RAPGEF6: variants seen among roughly 807,000 people sequenced by gnomAD.
RAPGEF6 encodes Rap guanine nucleotide exchange factor 6.
Under a neutral mutation model 171.4 loss-of-function variants are expected in RAPGEF6, and 56 were observed. The ratio of observed to expected loss-of-function variants is 0.33; its 90% confidence interval spans 0.26 to 0.41. The LOEUF is 0.41. RAPGEF6 is among the 10% of genes least tolerant of loss of function. The pLI, the probability that RAPGEF6 is intolerant of heterozygous loss-of-function variation, is 1.00. For synonymous variants in RAPGEF6, 692 were observed against 650.1 expected, an observed-to-expected ratio of 1.06 and a Z score of -0.98; for missense variants, 1,674 against 1,921.4, an observed-to-expected ratio of 0.87 and a Z score of 2.41.
intron 4 of RAPGEF6, among the ~76,000 whole-genome samples, chr5:131,565,537 G>A (rs1290648272): frequency 1.3e-5 from 2 of 152,060 alleles, no homozygotes; most frequent in Non-Finnish European, 2.9e-5. Context: ...GCCTAAAATA[G>A]CTAAAACAAC....
chr5:131,593,238 T>C (rs577874226), intron 3 of RAPGEF6, among the ~76,000 whole-genome samples: 2 of 152,246 alleles, frequency 1.3e-5, no homozygotes, highest in South Asian at 2.1e-4. Flanking sequence ...CAAATCAATA[T>C]AGGAATCTTC....
intron 6 of RAPGEF6, among the ~76,000 whole-genome samples, chr5:131,529,900 T>TC (rs1759253681): frequency 1.4e-5 from 2 of 140,212 alleles, no homozygotes; most frequent in Admixed American, 1.4e-4. Flanking sequence ...CTTGTCTCCC[T>TC]CTTTTTTTTT....
At position 131,521,388 on chromosome 5, in the gene RAPGEF6, A is replaced by G. The variant is rs1232213526; in HGVS notation, c.627+2T>C. 2 of 1,603,532 alleles carry G rather than the reference A, an allele frequency of 1.2e-6. No individual in the cohort carries two copies. Among genetic ancestry groups the G allele is most frequent in the Non-Finnish European group, 1.7e-6 (2 of 1,175,814 alleles). ...GCAGCATACAAATTCCTAAGGTATT[A>G]CCTGATAGATATCAGATAAACTGCT... On this transcript the variant is annotated splice_donor_variant, in intron 7 of 27. Coordinates refer to ENST00000509018, the MANE Select transcript of RAPGEF6 (RefSeq NM_016340.6). LOFTEE classifies it high-confidence loss of function.
intron 4 of RAPGEF6, among the ~76,000 whole-genome samples, chr5:131,576,605 G>A (rs1291005659): frequency 1.3e-5 from 2 of 152,238 alleles, no homozygotes; most frequent in East Asian, 1.9e-4. Context: ...TTGAGGCAAC[G>A]CTTATGCTGA....
At chr5:131,478,443 C>T (rs1212737110) in intron 16 of RAPGEF6, among the ~76,000 whole-genome samples, 1 of 152,134 alleles carries the variant, frequency 6.6e-6, no homozygotes, top group African/African-American at 2.4e-5. Context: ...TTATGGCTCC[C>T]TGTCATGACA....
At chr5:131,605,119 A>G (rs576137559) in intron 1 of RAPGEF6, among the ~76,000 whole-genome samples, 1 of 152,334 alleles carries the variant, frequency 6.6e-6, no homozygotes, top group South Asian at 2.1e-4. Context: ...TTCTTTCTAA[A>G]GAGACTCAAA....
chr5:131,497,829 C>T (rs747455424), intron 12 of RAPGEF6, among the ~76,000 whole-genome samples: 19 of 152,102 alleles, frequency 1.2e-4, no homozygotes, highest in Non-Finnish European at 1.8e-4. Context: ...TATTTCTTAC[C>T]AATTTGTGGA....
chr5:131,546,358 C>A (rs929548369), intron 6 of RAPGEF6, among the ~76,000 whole-genome samples: 3 of 152,128 alleles, frequency 2.0e-5, no homozygotes, highest in Non-Finnish European at 4.4e-5. Context: ...GTAATCCCAG[C>A]ACTTTGGGAT....
At chr5:131,611,487 T>TA (rs1764931609) in intron 1 of RAPGEF6, among the ~76,000 whole-genome samples, 1 of 152,072 alleles carries the variant, frequency 6.6e-6, no homozygotes, top group Admixed American at 6.6e-5. Flanking sequence ...GCCTGGCTAA[T>TA]ATGGTGAAAC....
intron 5 of RAPGEF6, among the ~76,000 whole-genome samples, chr5:131,550,021 T>C (rs750733164): frequency 1.3e-5 from 2 of 152,094 alleles, no homozygotes; most frequent in Non-Finnish European, 2.9e-5. Flanking sequence ...GACTACTGTA[T>C]CATATCAACA....
chr5:131,464,278 A>T lies in RAPGEF6; in HGVS notation c.2243T>A (p.Ile748Asn). 6.2e-7 allele frequency: 1 copy of T among 1,608,364 alleles called. No individual in the cohort carries two copies. The highest frequency in any genetic ancestry group is 2.2e-5 in the East Asian group (1 of 44,804). Residue 748 changes from isoleucine to asparagine, a missense_variant, in exon 18 of 28, where the codon ATC becomes AAC. Ile to Asn is a moderately radical substitution (Grantham distance 149, BLOSUM62 -3). Transcript: ENST00000509018. ...SMLDFSNPSD[I>N]PDQVIRVFKV... ...GAAAACTCTTATAACTTGATCAGGG[A>T]TATCTACATAAATAGAAAGATATGC...
At chr5:131,497,303 C>G (rs74532976) in intron 12 of RAPGEF6, among the ~76,000 whole-genome samples, 9,920 of 152,138 alleles carry the variant, frequency 0.065, 761 homozygotes, top group African/African-American at 0.19. Flanking sequence ...TTCTCTTATT[C>G]TGTGCATTGT....
At chr5:131,553,527 T>C (rs1453638171) in intron 5 of RAPGEF6, among the ~76,000 whole-genome samples, 1 of 152,094 alleles carries the variant, frequency 6.6e-6, no homozygotes, top group East Asian at 1.9e-4. Flanking sequence ...CAATCAACTA[T>C]GATTAAACAT....
chr5:131,505,420 T>C lies in RAPGEF6; in HGVS notation c.1045A>G (p.Thr349Ala), dbSNP rs771553832. ...CCATGCATGTACTGCTTATCCAGAG[T>C]GGGAGTAATTCCAAAACTATTTCCC... ...FMGNSFGITP[T>A]LDKQYMHGIV... is the part of the protein sequence containing the mutation. The change falls in exon 10 of 28, where the codon ACT becomes GCT. Residue 349 changes from threonine to alanine, a missense_variant. Around this residue, in one of 3 missense-constraint regions of RAPGEF6, gnomAD observed 1,116 missense variants for 1,321.5 expected, o/e 0.84. Coordinates refer to ENST00000509018, the MANE Select transcript of RAPGEF6 (RefSeq NM_016340.6). The C allele has an allele frequency of 2.0e-5, 33 of 1,613,548 alleles. No individual in the cohort carries two copies. The highest frequency in any genetic ancestry group is 2.7e-5 in the Non-Finnish European group (32 of 1,179,670).
chr5:131,492,732 C>G lies in RAPGEF6; in HGVS notation c.1581G>C (p.Lys527Asn). The G allele has an allele frequency of 6.2e-7, 1 of 1,614,124 alleles. No individual in the cohort carries two copies. Among genetic ancestry groups the G allele is most frequent in the East Asian group, 2.2e-5 (1 of 44,888 alleles). The part of the protein sequence containing the change: ...LLNIACAAKA[K>N]WRQVVLQKAS... ...CCTTTTGCAGCACAACCTGTCTCCA[C>G]TTAGCCTTTGCAGCACAGGCAATAT... Residue 527 changes from lysine to asparagine, a missense_variant, in exon 14 of 28, where the codon AAG becomes AAC. By Grantham distance (94) the Lys-to-Asn change is moderately conservative (BLOSUM62 0). Coordinates refer to ENST00000509018, the MANE Select transcript of RAPGEF6 (RefSeq NM_016340.6).
intron 17 of RAPGEF6, among the ~76,000 whole-genome samples, chr5:131,469,232 T>C (rs901120512): frequency 6.6e-6 from 1 of 152,164 alleles, no homozygotes; most frequent in African/African-American, 2.4e-5. Flanking sequence ...TTATGTGCAA[T>C]GAAATTTCTG....
chr5:131,529,895 C>T (rs1015290458), intron 6 of RAPGEF6, among the ~76,000 whole-genome samples: 1 of 149,046 alleles, frequency 6.7e-6, no homozygotes, highest in Middle Eastern at 3.2e-3. Context: ...AGGGCCTTGT[C>T]TCCCTCTTTT....
chr5:131,573,034 CT>C, intron 4 of RAPGEF6, among the ~76,000 whole-genome samples: 1 of 152,126 alleles, frequency 6.6e-6, no homozygotes, highest in East Asian at 1.9e-4. Context: ...TCATCCCAGA[CT>C]TTCCTTCTTT....
intron 12 of RAPGEF6, among the ~76,000 whole-genome samples, chr5:131,497,436 C>T (rs146157505): frequency 1.4e-4 from 21 of 152,264 alleles, no homozygotes; most frequent in Middle Eastern, 3.4e-3. Context: ...GAGAAACCAA[C>T]GCCAAATCCA....
Sources: allele counts gnomAD v4.1 joint callset (sites outside exome capture counted in the v4.1 genomes callset), GRCh38; gene constraint gnomAD v4.1.1; regional missense constraint gnomAD v4.1.1; transcripts MANE v1.5; gene names NCBI Gene and HGNC (gene_info 2026-07-23, HGNC 2026-07-21).